Variants in ANK1 observed in about 807,000 individuals in gnomAD.
The protein encoded by ANK1 is ankyrin-1.
A neutral mutation model predicts 210.4 loss-of-function variants in ANK1; 51 were observed. That is an observed-to-expected ratio of 0.24 (90% CI 0.19 to 0.31). The LOEUF is 0.31. Ranked by LOEUF, ANK1 falls within the 10% of genes least tolerant of loss-of-function variation. ANK1 has a pLI of 1.00. For missense variants in ANK1, 2,051 were observed against 2,504.4 expected (o/e 0.82, Z 3.86); for synonymous variants, 967 against 1,025.9 (o/e 0.94, Z 1.10).
Position 41,758,151 on chromosome 8 carries a change from C to A in ANK1, c.28-14G>T. On this transcript the variant is annotated splice_polypyrimidine_tract_variant and intron_variant, in intron 1 of 42. Transcript: ENST00000289734. ...AGCAGCATCGGCCTGTGAGGAAAAA[C>A]AACAGGCGGTGAGTGTCCTGGGTGT... is the stretch of plus-strand genomic sequence containing the variant. The A allele has an allele frequency of 6.2e-7, 1 of 1,610,772 alleles. No individual in the cohort carries two copies. The highest frequency in any genetic ancestry group is 8.5e-7 in the Non-Finnish European group (1 of 1,177,874).
chr8:41,835,354 A>G (rs1370885438), intron 1 of ANK1, among the ~76,000 whole-genome samples: 1 of 152,226 alleles, frequency 6.6e-6, no homozygotes, highest in Non-Finnish European at 1.5e-5. Context: ...CCAGAGGCTG[A>G]TGCAGGAGAA....
Position 41,694,232 on chromosome 8 carries a change from C to T in ANK1, c.3328-130G>A. 1 of 996,810 alleles carries T rather than the reference C, an allele frequency of 1.0e-6. No individual in the cohort carries two copies. Among genetic ancestry groups the T allele is most frequent in the Non-Finnish European group, 1.5e-6 (1 of 677,932 alleles). The allele number at this position is 996,810 out of a possible 1,614,324, so 61.7% of individuals were successfully genotyped here. A position where few individuals can be genotyped will look rare whatever the true frequency, so the allele number is the denominator to read the frequency against. ...CCCGCCCTGCTGTTGGACCACAGAA[C>T]CGACACGGTGGAGCTTGCCTTCCTG... is the stretch of plus-strand genomic sequence containing the variant. On this transcript the variant is annotated intron_variant, in intron 28 of 42. Coordinates refer to ENST00000289734, the MANE Select transcript of ANK1 (RefSeq NM_000037.4). The surrounding 1 kb of genome is among the most constrained non-coding windows in gnomAD (Gnocchi z 5.7).
intron 1 of ANK1, among the ~76,000 whole-genome samples, chr8:41,807,882 G>T (rs1416572601): frequency 6.7e-6 from 1 of 149,402 alleles, no homozygotes; most frequent in Non-Finnish European, 1.5e-5. Flanking sequence ...TCTACAAAGA[G>T]GAGGAGGAGA....
chr8:41,812,590 A>G lies in ANK1; in HGVS notation c.127-54453T>C, dbSNP rs1802657764. Reference sequence around the variant, plus strand: ...AGATGTAGATTTCCTTGACAAAAAGACAGCTTCTTAGAGCTACTCTTGTGT... The same window carrying G: ...AGATGTAGATTTCCTTGACAAAAAGGCAGCTTCTTAGAGCTACTCTTGTGT... On this transcript the variant is annotated intron_variant, in intron 1 of 42. Coordinates refer to the ANK1 transcript ENST00000265709. Among the ~76,000 whole-genome samples, 3 of 152,230 alleles carry G rather than the reference A, an allele frequency of 2.0e-5. No homozygotes were observed. The South Asian group carries it at 6.2e-4, about 31-fold the overall frequency.
At chr8:41,811,059 G>T (rs1467904060) in intron 1 of ANK1, among the ~76,000 whole-genome samples, 3 of 152,236 alleles carry the variant, frequency 2.0e-5, no homozygotes, top group African/African-American at 7.2e-5. Context: ...TCTAGGGATA[G>T]TCAGAGAAGT....
At chr8:41,667,124 G>A (rs1810809398) in intron 39 of ANK1, among the ~76,000 whole-genome samples, 1 of 152,254 alleles carries the variant, frequency 6.6e-6, no homozygotes, top group South Asian at 2.1e-4. Flanking sequence ...GGAAGAAACG[G>A]ACGGGCCGCC....
chr8:41,824,944 G>A lies in ANK1; in HGVS notation c.127-66807C>T, dbSNP rs76376293. Reference sequence around the variant, plus strand: ...CTAGAGGTGGGGTCCACTCGAGGGTGAAGGGCCCCCATTTCTTGCCTTCCA... The same window carrying A: ...CTAGAGGTGGGGTCCACTCGAGGGTAAAGGGCCCCCATTTCTTGCCTTCCA... On this transcript the variant is annotated intron_variant, in intron 1 of 42. Transcript: ENST00000265709. Among the ~76,000 whole-genome samples, 628 of 152,340 alleles carry A rather than the reference G, an allele frequency of 4.1e-3. 4 individuals are homozygous for A. Among genetic ancestry groups the A allele is most frequent in the African/African-American group, 0.01 (429 of 41,586 alleles).
chr8:41,873,635 G>C (rs185741719), intron 1 of ANK1, among the ~76,000 whole-genome samples: 1 of 152,192 alleles, frequency 6.6e-6, no homozygotes, highest in Non-Finnish European at 1.5e-5. Context: ...ACAGACCAGA[G>C]CCAAGCCCTC....
At chr8:41,871,503 GAC>G (rs1287631087) in intron 1 of ANK1, among the ~76,000 whole-genome samples, 1 of 152,126 alleles carries the variant, frequency 6.6e-6, no homozygotes, top group Non-Finnish European at 1.5e-5. Context: ...GGGAAATGCA[GAC>G]ACAGAGGCAG....
At chr8:41,746,608 A>C (rs1391862738) in intron 2 of ANK1, among the ~76,000 whole-genome samples, 1 of 152,180 alleles carries the variant, frequency 6.6e-6, no homozygotes, top group African/African-American at 2.4e-5. Context: ...ACGATTTTAG[A>C]GCTCTGCAAG....
chr8:41,864,986 A>G (rs562263410), intron 1 of ANK1, among the ~76,000 whole-genome samples: 69 of 152,340 alleles, frequency 4.5e-4, no homozygotes, highest in African/African-American at 1.6e-3. Flanking sequence ...GACCAGCCAC[A>G]AACACGGCAA....
chr8:41,865,722 C>G lies in ANK1; in HGVS notation c.126+30633G>C, dbSNP rs530454026. Among the ~76,000 whole-genome samples the G allele has an allele frequency of 1.7e-4, 26 of 152,244 alleles. 1 individual carries two copies. The South Asian group carries it at 4.4e-3, about 26-fold the overall frequency. On this transcript the variant is annotated intron_variant, in intron 1 of 42. Transcript: ENST00000265709. ...TAGATTCTTCCCTCTCCCTCCTCCC[C>G]CCAGCAGTCCCAGGTAGGGCCTCTG...
chr8:41,686,200 C>T lies in ANK1; in HGVS notation c.4342G>A (p.Val1448Met). The change falls in exon 36 of 43, where the codon GTG becomes ATG. Residue 1448 changes from valine to methionine, a missense_variant. Coordinates refer to ENST00000289734, the MANE Select transcript of ANK1 (RefSeq NM_000037.4). ...ENPNSLLEQS[V>M]ALLNLWVIRE... The stretch of plus-strand genomic sequence containing the variant: ...ATGACCCAGAGGTTCAGCAAGGCCA[C>T]ACTCTGCTCCAACAGGGAGTTGGGA... The T allele has an allele frequency of 6.2e-7, 1 of 1,614,230 alleles. No homozygotes were observed. Among genetic ancestry groups the T allele is most frequent in the Non-Finnish European group, 8.5e-7 (1 of 1,180,048 alleles).
Position 41,755,639 on chromosome 8 carries a change from G to A in ANK1, c.129+2397C>T, listed in dbSNP as rs369177830. On this transcript the variant is annotated intron_variant, in intron 2 of 42. Transcript: ENST00000289734. ...GGGCAACACAGCTGCAGCCTGTGCA[G>A]CTGCTTCTGGAGGTGCAGTGCTAAG... is the stretch of plus-strand genomic sequence containing the variant. Among the ~76,000 whole-genome samples the A allele has an allele frequency of 2.0e-5, 3 of 152,268 alleles. No homozygotes were observed. The East Asian group carries it at 5.8e-4, about 29-fold the overall frequency.
chr8:41,884,828 T>G (rs767592579), intron 1 of ANK1, among the ~76,000 whole-genome samples: 2 of 151,960 alleles, frequency 1.3e-5, no homozygotes, highest in Non-Finnish European at 2.9e-5. Flanking sequence ...TGAGACCTTG[T>G]CTCAAAATAA....
Position 41,717,625 on chromosome 8 carries a change from C to T in ANK1, c.1284G>A (p.Ala428=), listed in dbSNP as rs1005252959. 1.9e-5 allele frequency: 29 copies of T among 1,551,440 alleles called. No homozygotes were observed. The highest frequency in any genetic ancestry group is 1.4e-4 in the African/African-American group (10 of 73,050). The change falls in exon 12 of 43, where the codon GCG becomes GCA. Residue 428 remains alanine (A), a synonymous_variant. Coordinates refer to ENST00000289734, the MANE Select transcript of ANK1 (RefSeq NM_000037.4). ...PIVKNLLQRG[A]SPNVSNVKVE... The stretch of plus-strand genomic sequence containing the variant: ...TTACCACGTTGGAGACGTTGGGCGA[C>T]GCCCCCCGCTGCAGGAGGTTCTTCA...
At chr8:41,750,848 G>C (rs557956764) in intron 2 of ANK1, among the ~76,000 whole-genome samples, 4,986 of 152,306 alleles carry the variant, frequency 0.033, 253 homozygotes, top group African/African-American at 0.11. Flanking sequence ...GGACGACAAA[G>C]CTTCTCCTTT....
At chr8:41,866,044 G>A (rs574480948) in intron 1 of ANK1, among the ~76,000 whole-genome samples, 1 of 152,370 alleles carries the variant, frequency 6.6e-6, no homozygotes, top group East Asian at 1.9e-4. Context: ...CCAGACCCTA[G>A]AGGAACTATG....
In ANK1 at chr8:41,797,095, C is replaced by T. The variant is rs1212789292; in HGVS notation, c.27+417G>A. 6.6e-6 allele frequency among the ~76,000 whole-genome samples: 1 copy of T among 152,196 alleles called. No individual in the cohort carries two copies. The highest frequency in any genetic ancestry group is 2.4e-5 in the African/African-American group (1 of 41,456). Reference sequence around the variant, plus strand: ...CCTTCCAAATGACAGTGACAGCCCCCTAGCCGGGTGGCCCACCCCGCAGCC... The same window carrying T: ...CCTTCCAAATGACAGTGACAGCCCCTTAGCCGGGTGGCCCACCCCGCAGCC... On this transcript the variant is annotated intron_variant, in intron 1 of 42. Coordinates refer to ENST00000289734, the MANE Select transcript of ANK1 (RefSeq NM_000037.4). The surrounding 1 kb of genome is among the most constrained non-coding windows in gnomAD (Gnocchi z 4.0).
Sources: allele counts gnomAD v4.1 joint callset (sites outside exome capture counted in the v4.1 genomes callset), GRCh38; gene constraint gnomAD v4.1.1; non-coding constraint Gnocchi (gnomAD v3.1); transcripts MANE v1.5; gene names NCBI Gene and HGNC (gene_info 2026-07-23, HGNC 2026-07-21).